The following LYZL1 variants were observed in gnomAD, a reference collection of about 807,000 sequenced individuals.
The protein encoded by LYZL1 is lysozyme like 1, also known as lysozyme-like protein 1.
In LYZL1, 16 loss-of-function variants were observed where a neutral mutation model predicts 17.9. The observed-to-expected ratio is 0.90, with a 90% confidence interval of 0.61 to 1.36. LYZL1 has a LOEUF of 1.36. Ranked by LOEUF, LYZL1 falls within the 40% of genes most tolerant of loss-of-function variation. The pLI, the probability that LYZL1 is intolerant of heterozygous loss-of-function variation, is 0.00. For synonymous variants in LYZL1, 58 were observed against 71.8 expected, an observed-to-expected ratio of 0.81 and a Z score of 0.97; for missense variants, 149 against 188.4, an observed-to-expected ratio of 0.79 and a Z score of 1.22.
chr10:29,302,804 C>T (rs1224032126), intron 3 of LYZL1, among the ~76,000 whole-genome samples: 1 of 152,148 alleles, frequency 6.6e-6, no homozygotes, highest in Non-Finnish European at 1.5e-5. Flanking sequence ...ACCTATCCTG[C>T]CTCATATGCA....
intron 3 of LYZL1, among the ~76,000 whole-genome samples, chr10:29,296,674 C>T (rs1477794540): frequency 3.3e-5 from 5 of 152,186 alleles, no homozygotes; most frequent in Non-Finnish European, 7.3e-5. Flanking sequence ...CACTCAGACC[C>T]CACAATGATG....
intron 1 of LYZL1, among the ~76,000 whole-genome samples, chr10:29,291,092 A>C (rs1402300906): frequency 6.7e-6 from 1 of 148,604 alleles, no homozygotes; most frequent in African/African-American, 2.5e-5. Flanking sequence ...ACGCCTGCTC[A>C]GTTGAAAATC....
chr10:29,308,481 C>G (rs565986801), intron 3 of LYZL1, among the ~76,000 whole-genome samples: 1 of 152,192 alleles, frequency 6.6e-6, no homozygotes, highest in Non-Finnish European at 1.5e-5. Context: ...TCAAACCCAT[C>G]GCAGCGTCTG....
chr10:29,312,804 G>A (rs1006206555), downstream of LYZL1, among the ~76,000 whole-genome samples: 2 of 152,106 alleles, frequency 1.3e-5, no homozygotes, highest in African/African-American at 4.8e-5. Flanking sequence ...GTTCTGCTGG[G>A]GCAGAGCTGG....
At position 29,291,764 on chromosome 10, in the gene LYZL1, G is replaced by T. The variant is rs537313755; in HGVS notation, c.-25-79G>T. 12 of 1,474,132 alleles carry T rather than the reference G, an allele frequency of 8.1e-6. No individual in the cohort carries two copies. The Admixed American group carries it at 2.0e-4, about 25-fold the overall frequency. 91.3% of individuals were successfully genotyped at this position (1,474,132 alleles called of 1,614,324 possible). A position where few individuals can be genotyped will look rare whatever the true frequency, so the allele number is the denominator to read the frequency against. Reference sequence around the variant, plus strand: ...AAAGTGACAGGCAGCATCTAGGCAGGGCTGTGCACAGTCACCACCGCTGGA... The same window carrying T: ...AAAGTGACAGGCAGCATCTAGGCAGTGCTGTGCACAGTCACCACCGCTGGA... On this transcript the variant is annotated intron_variant, in intron 1 of 4. Transcript: ENST00000649382.
rs1835325724 is a variant in LYZL1 at position 29,289,178 on chromosome 10, G to A, written c.-78G>A. On this transcript the variant is annotated 5_prime_UTR_variant, in exon 1 of 5. Coordinates refer to ENST00000649382, the MANE Select transcript of LYZL1 (RefSeq NM_032517.6). ...TAAGTGGAGCAGTGTTTCTTCCGCA[G>A]ACTCAACTGAGAAGTCAGCCTCTGG... 1 of 1,604,964 alleles carries A rather than the reference G, an allele frequency of 6.2e-7. No individual in the cohort carries two copies. The highest frequency in any genetic ancestry group is 8.5e-7 in the Non-Finnish European group (1 of 1,174,954).
In LYZL1 at chr10:29,294,455, T is replaced by C. The variant is rs79058023; in HGVS notation, c.298+1778T>C. Among the ~76,000 whole-genome samples the C allele has an allele frequency of 9.2e-3, 1,407 of 152,300 alleles. 11 individuals carry two copies. Among genetic ancestry groups the C allele is most frequent in the Middle Eastern group, 0.024 (7 of 294 alleles). On this transcript the variant is annotated intron_variant, in intron 3 of 4. Transcript: ENST00000649382. The stretch of plus-strand genomic sequence containing the variant: ...TGGTTGGTGACATGGAGAAGACTGA[T>C]GCAAGAGATGCTGAACAGGCAGAGG...
rs974027070 is a variant in LYZL1, at chr10:29,309,971, T to C, written c.299-139T>C. 20 of 597,710 alleles carry C rather than the reference T, an allele frequency of 3.3e-5. No individual in the cohort carries two copies. In the African/African-American group the frequency reaches 3.6e-4, roughly 11 times the overall value. The allele number at this position is 597,710 out of a possible 1,614,324, so 37.0% of individuals were successfully genotyped here. ...TTGAAGAAGCTTAATGAAAATAAGA[T>C]TGTGGCTTTGCAGGCAAAATCATAG... On this transcript the variant is annotated intron_variant, in intron 3 of 4. Coordinates refer to ENST00000649382, the MANE Select transcript of LYZL1 (RefSeq NM_032517.6).
intron 3 of LYZL1, among the ~76,000 whole-genome samples, chr10:29,306,394 C>T (rs1432489571): frequency 6.8e-6 from 1 of 146,836 alleles, no homozygotes; most frequent in African/African-American, 2.5e-5. Context: ...ACTAAAAATA[C>T]AAAAAATTAG....
chr10:29,317,705 T>C (rs1835748059), intron 4 of LYZL1, among the ~76,000 whole-genome samples: 1 of 152,196 alleles, frequency 6.6e-6, no homozygotes, highest in African/African-American at 2.4e-5. Context: ...GTATTTGCCA[T>C]GCACAGCCAT....
intron 3 of LYZL1, among the ~76,000 whole-genome samples, chr10:29,308,341 G>A (rs1835624340): frequency 1.3e-5 from 2 of 152,284 alleles, no homozygotes; most frequent in African/African-American, 2.4e-5. Context: ...GTGCTCACTC[G>A]GGAGCTCATG....
intron 3 of LYZL1, among the ~76,000 whole-genome samples, chr10:29,295,583 C>T (rs375685561): frequency 2.0e-5 from 3 of 152,206 alleles, no homozygotes; most frequent in South Asian, 4.1e-4. Flanking sequence ...AAATCTCTCA[C>T]TCTGTTACCT....
In LYZL1 at chr10:29,310,181, AACT is replaced by A. The variant is rs1423006296; in HGVS notation, c.372_374del (p.Tyr125del). On this transcript the variant is annotated inframe_deletion, in exon 4 of 5. Coordinates refer to ENST00000649382, the MANE Select transcript of LYZL1 (RefSeq NM_032517.6). ...AATTGTTAAAGAGACACAAGGAATG[AACT>A]ATTGGTAAGAGTGTTTTCTTGGGAG... 1.2e-6 allele frequency: 2 copies of A among 1,604,708 alleles called. No individual in the cohort carries two copies. Among genetic ancestry groups the A allele is most frequent in the Non-Finnish European group, 1.7e-6 (2 of 1,171,582 alleles).
downstream of LYZL1, among the ~76,000 whole-genome samples, chr10:29,315,373 A>G (rs1019249423): frequency 5.3e-5 from 8 of 152,074 alleles, no homozygotes; most frequent in Non-Finnish European, 1.2e-4. Flanking sequence ...TTAGACAGGC[A>G]TGGTGGTGAG....
chr10:29,289,201 T>C lies in LYZL1; in HGVS notation c.-55T>C. 2 of 1,595,998 alleles carry C rather than the reference T, an allele frequency of 1.3e-6. No homozygotes were observed. Among genetic ancestry groups the C allele is most frequent in the Non-Finnish European group, 1.7e-6 (2 of 1,170,534 alleles). ...CAGACTCAACTGAGAAGTCAGCCTC[T>C]GGGGCAGGCACCAGGAATCTGCCTT... On this transcript the variant is annotated 5_prime_UTR_variant, in exon 1 of 5. Transcript: ENST00000649382.
At chr10:29,317,516 C>G (rs1835746509) in intron 4 of LYZL1, 1 of 152,202 alleles carries the variant, frequency 6.6e-6, no homozygotes, top group South Asian at 2.1e-4. Flanking sequence ...TACCTTAGCT[C>G]CAGGTCTTCT....
At chr10:29,311,593 T>C (rs1432015182), downstream of LYZL1, among the ~76,000 whole-genome samples, 2 of 152,226 alleles carry the variant, frequency 1.3e-5, no homozygotes, top group African/African-American at 4.8e-5. Flanking sequence ...ATTCACTGTT[T>C]GATATTGAAA....
intron 1 of LYZL1, among the ~76,000 whole-genome samples, chr10:29,290,802 G>A (rs1387804313): frequency 6.6e-6 from 1 of 152,068 alleles, no homozygotes; most frequent in Non-Finnish European, 1.5e-5. Context: ...TGGCGCCACT[G>A]CACTCCAGCC....
chr10:29,304,458 G>A (rs1835563745), intron 3 of LYZL1, among the ~76,000 whole-genome samples: 1 of 152,082 alleles, frequency 6.6e-6, no homozygotes, highest in Admixed American at 6.5e-5. Flanking sequence ...ATTTCACTTG[G>A]GAGGCAGGAG....
Sources: gnomAD v4.1 joint callset for allele counts (sites outside exome capture counted in the v4.1 genomes callset) on GRCh38, gnomAD v4.1.1 for gene constraint, MANE v1.5 for transcripts, NCBI Gene and HGNC (gene_info 2026-07-23, HGNC 2026-07-21) for gene names.